The following SPATS2 variants were observed in gnomAD, a reference collection of about 807,000 sequenced individuals.
SPATS2 encodes spermatogenesis-associated serine-rich protein 2.
A neutral mutation model predicts 63.7 loss-of-function variants in SPATS2; 38 were observed. That is an observed-to-expected ratio of 0.60 (90% confidence interval 0.46 to 0.78). The LOEUF is 0.78. SPATS2 is among the 30% of genes least tolerant of loss of function. The pLI is 0.00. For missense variants in SPATS2, 588 were observed against 666.2 expected, an observed-to-expected ratio of 0.88 and a Z score of 1.29; for synonymous variants, 207 against 232.9, an observed-to-expected ratio of 0.89 and a Z score of 1.01.
chr12:49,410,968 G>A (rs932750246), intron 2 of SPATS2, among the ~76,000 whole-genome samples: 1 of 151,828 alleles, frequency 6.6e-6, no homozygotes, highest in Non-Finnish European at 1.5e-5. Context: ...GAGGAAGGAG[G>A]AATTAGGTAG....
At chr12:49,398,898 C>T (rs1944558502) in intron 2 of SPATS2, among the ~76,000 whole-genome samples, 1 of 152,188 alleles carries the variant, frequency 6.6e-6, no homozygotes, top group African/African-American at 2.4e-5. Flanking sequence ...AGGTCTATTT[C>T]TGTACTATTT....
chr12:49,507,679 T>G (rs1946675844), intron 9 of SPATS2, among the ~76,000 whole-genome samples: 1 of 152,220 alleles, frequency 6.6e-6, no homozygotes, highest in Non-Finnish European at 1.5e-5. Flanking sequence ...CTTGAATAGT[T>G]GTAATCGCAG....
At chr12:49,387,479 A>C (rs923177635) in intron 2 of SPATS2, among the ~76,000 whole-genome samples, 2 of 151,786 alleles carry the variant, frequency 1.3e-5, no homozygotes, top group South Asian at 2.1e-4. Context: ...TCTACTAAAA[A>C]TACAAAAATT....
At chr12:49,508,079 T>C (rs1946683148) in intron 9 of SPATS2, among the ~76,000 whole-genome samples, 1 of 152,240 alleles carries the variant, frequency 6.6e-6, no homozygotes, top group African/African-American at 2.4e-5. Flanking sequence ...ACTTTTCCAC[T>C]ACACCATTCT....
At chr12:49,374,194 C>T (rs947594931) in intron 2 of SPATS2, among the ~76,000 whole-genome samples, 4 of 151,930 alleles carry the variant, frequency 2.6e-5, no homozygotes, top group African/African-American at 7.3e-5. Context: ...GCAGTGGTGC[C>T]ATCATAGTTC....
chr12:49,406,439 C>G (rs538056056), intron 2 of SPATS2: 1 of 151,680 alleles, frequency 6.6e-6, no homozygotes, highest in Admixed American at 6.6e-5. Flanking sequence ...TGTGCACCAC[C>G]ATACCTGACT....
chr12:49,390,188 T>A (rs1944395774), intron 2 of SPATS2: 1 of 1,373,532 alleles, frequency 7.3e-7, no homozygotes. Flanking sequence ...TCTGTGAGCT[T>A]CTTACATGGC....
intron 10 of SPATS2, 86 bp downstream of exon 10, chr12:49,514,699 T>A (rs1565759992): frequency 8.6e-7 from 1 of 1,160,634 alleles, no homozygotes; most frequent in Non-Finnish European, 1.2e-6. Context: ...AAGTTCCATA[T>A]AAATACCATA....
At chr12:49,467,044 GTTTT>G (rs59350335) in intron 3 of SPATS2, among the ~76,000 whole-genome samples, 23 of 75,764 alleles carry the variant, frequency 3.0e-4, no homozygotes, top group African/African-American at 9.2e-4. Flanking sequence ...TTTGTTCTTT[GTTTT>G]TTTTTTTTTT....
intron 10 of SPATS2, among the ~76,000 whole-genome samples, chr12:49,518,819 T>G (rs1946890922): frequency 6.6e-6 from 1 of 152,378 alleles, no homozygotes; most frequent in East Asian, 1.9e-4. Flanking sequence ...TGCATCTTGA[T>G]AAAATTTTTT....
At chr12:49,427,492 G>A (rs1412391318) in intron 2 of SPATS2, among the ~76,000 whole-genome samples, 2 of 152,078 alleles carry the variant, frequency 1.3e-5, no homozygotes, top group African/African-American at 4.8e-5. Context: ...GTTTTCTAAT[G>A]TACCATGAGC....
chr12:49,390,813 A>AC (rs1301845956), intron 2 of SPATS2, among the ~76,000 whole-genome samples: 1 of 152,220 alleles, frequency 6.6e-6, no homozygotes, highest in Non-Finnish European at 1.5e-5. Flanking sequence ...GGAATGAAAA[A>AC]GAAGGAATAC....
At position 49,523,147 on chromosome 12, in the gene SPATS2, C is replaced by A. The variant is rs557563294; in HGVS notation, c.1111+294C>A. On this transcript the variant is annotated intron_variant, in intron 12 of 13. Coordinates refer to ENST00000552918, the MANE Select transcript of SPATS2 (RefSeq NM_023071.4). The stretch of plus-strand genomic sequence containing the variant: ...CAGTCAGATCAAGTTTGAATCCCTG[C>A]CCCTACAGTAACCTCATTTTACTCC... Among the ~76,000 whole-genome samples, 525 of 152,214 alleles carry A rather than the reference C, an allele frequency of 3.4e-3. 7 individuals carry two copies. The highest frequency in any genetic ancestry group is 3.2e-3 in the Non-Finnish European group (217 of 68,014).
At chr12:49,489,029 T>C (rs547916095) in intron 4 of SPATS2, among the ~76,000 whole-genome samples, 17 of 152,330 alleles carry the variant, frequency 1.1e-4, no homozygotes, top group African/African-American at 3.6e-4. Flanking sequence ...ATAAATTATC[T>C]TTATTTTACA....
At chr12:49,371,685 T>C (rs1226523478) in intron 2 of SPATS2, among the ~76,000 whole-genome samples, 1 of 152,132 alleles carries the variant, frequency 6.6e-6, no homozygotes, top group African/African-American at 2.4e-5. Flanking sequence ...AGGAAGCTTA[T>C]GATCATGGCA....
At chr12:49,447,385 C>T (rs562078286) in intron 2 of SPATS2, among the ~76,000 whole-genome samples, 32 of 152,226 alleles carry the variant, frequency 2.1e-4, no homozygotes, top group Non-Finnish European at 4.0e-4. Context: ...ACTACAGGTG[C>T]GCACCACCAT....
intron 11 of SPATS2, among the ~76,000 whole-genome samples, chr12:49,520,604 G>T (rs1176289779): frequency 1.3e-5 from 2 of 152,164 alleles, no homozygotes; most frequent in Non-Finnish European, 2.9e-5. Context: ...ACCTTGGCAT[G>T]TACTTGGTCT....
intron 2 of SPATS2, among the ~76,000 whole-genome samples, chr12:49,449,694 A>G (rs913799671): frequency 6.6e-6 from 1 of 152,230 alleles, no homozygotes; most frequent in Non-Finnish European, 1.5e-5. Flanking sequence ...GGAAGCAGGC[A>G]AGAAAGTTTG....
At chr12:49,517,862 T>C (rs796388426) in intron 10 of SPATS2, among the ~76,000 whole-genome samples, 3 of 152,284 alleles carry the variant, frequency 2.0e-5, no homozygotes, top group African/African-American at 7.2e-5. Flanking sequence ...CCCAACAACA[T>C]TGGATTTCTG....
Sources: gnomAD v4.1 joint callset for allele counts (sites outside exome capture counted in the v4.1 genomes callset) on GRCh38, gnomAD v4.1.1 for gene constraint, MANE v1.5 for transcripts, NCBI Gene and HGNC (gene_info 2026-07-23, HGNC 2026-07-21) for gene names.